Variants in ANGPT1 observed in about 807,000 individuals in gnomAD.
The protein encoded by ANGPT1 is angiopoietin-1.
ANGPT1 carries 17 observed loss-of-function variants against 62.2 expected under a neutral mutation model. The observed-to-expected ratio is 0.27, with a 90% confidence interval of 0.19 to 0.41. The LOEUF (loss-of-function observed/expected upper bound fraction) is 0.41, where lower values mean the gene tolerates loss of function less well. Among genes scored for constraint, ANGPT1 ranks in the 10% least tolerant of loss-of-function variants. The pLI is 1.00. For synonymous variants in ANGPT1, 199 were observed against 198.9 expected, an observed-to-expected ratio of 1.00 and a Z score of 0.00; for missense variants, 478 against 594.9, an observed-to-expected ratio of 0.80 and a Z score of 2.04.
At chr8:107,309,930 G>A (rs1456614749) in intron 4 of ANGPT1, among the ~76,000 whole-genome samples, 1 of 152,030 alleles carries the variant, frequency 6.6e-6, no homozygotes, top group Non-Finnish European at 1.5e-5. Context: ...AACTAAAAGT[G>A]TACTTTTTTA....
chr8:107,282,564 A>G (rs1220720324), intron 7 of ANGPT1, among the ~76,000 whole-genome samples: 2 of 107,350 alleles, frequency 1.9e-5, no homozygotes, highest in Non-Finnish European at 1.8e-5. Flanking sequence ...ATATATATAT[A>G]TATATATATA....
At chr8:107,264,442 T>G in intron 7 of ANGPT1, 91 bp from the exon 8 acceptor site, 1 of 1,465,026 alleles carries the variant, frequency 6.8e-7, no homozygotes, top group Non-Finnish European at 9.1e-7. Flanking sequence ...GCCTTTTTCA[T>G]CATTTTCTTC....
Position 107,251,110 on chromosome 8 carries a change from C to G in ANGPT1, c.*745G>C, listed in dbSNP as rs188000066. The G allele has an allele frequency of 6.6e-6, 1 of 152,106 alleles. No homozygotes were observed. Among genetic ancestry groups the G allele is most frequent in the Non-Finnish European group, 1.5e-5 (1 of 67,998 alleles). 9.4% of individuals were successfully genotyped at this position (152,106 alleles called of 1,614,324 possible). On this transcript the variant is annotated 3_prime_UTR_variant, in exon 9 of 9. Coordinates refer to ENST00000517746, the MANE Select transcript of ANGPT1 (RefSeq NM_001146.5). ...ATAGTATGGGGGTGGTAAGTTTTCA[C>G]CACATACATCCTTACTTGATTATGT...
intron 1 of ANGPT1, among the ~76,000 whole-genome samples, chr8:107,387,361 T>A (rs1563599341): frequency 6.6e-6 from 1 of 152,124 alleles, no homozygotes; most frequent in Non-Finnish European, 1.5e-5. Flanking sequence ...CTTCCTCTTT[T>A]GTGCCTATTG....
chr8:107,345,417 CA>C (rs1160833517), intron 2 of ANGPT1, among the ~76,000 whole-genome samples: 7 of 152,072 alleles, frequency 4.6e-5, no homozygotes, highest in African/African-American at 1.4e-4. Context: ...AACAATGGGA[CA>C]TTTTTTTTTC....
At chr8:107,412,059 G>C (rs1268329180) in intron 1 of ANGPT1, among the ~76,000 whole-genome samples, 2 of 152,038 alleles carry the variant, frequency 1.3e-5, no homozygotes, top group Non-Finnish European at 2.9e-5. Context: ...CATCATCTTG[G>C]CCTTGACTCA....
chr8:107,462,696 G>A (rs888030081), intron 1 of ANGPT1, among the ~76,000 whole-genome samples: 25 of 152,074 alleles, frequency 1.6e-4, no homozygotes, highest in Middle Eastern at 3.4e-3. Context: ...AATTATACAT[G>A]TATACAACCC....
chr8:107,252,330 G>A (rs929680360), intron 8 of ANGPT1, among the ~76,000 whole-genome samples: 1 of 152,146 alleles, frequency 6.6e-6, no homozygotes, highest in Middle Eastern at 3.2e-3. Context: ...CTACATAAGA[G>A]ATGGATTTAC....
chr8:107,321,792 T>A (rs1815155296), intron 4 of ANGPT1, 104 bp downstream of exon 4: 1 of 920,522 alleles, frequency 1.1e-6, no homozygotes, highest in African/African-American at 1.7e-5. Context: ...TCTTCTGCTA[T>A]TTTTTACACA....
intron 5 of ANGPT1, among the ~76,000 whole-genome samples, chr8:107,299,265 T>C (rs980802615): frequency 1.3e-5 from 2 of 150,878 alleles, no homozygotes; most frequent in African/African-American, 4.9e-5. Flanking sequence ...TAGAATTAGA[T>C]TCCTTTGTTT....
chr8:107,287,517 G>A (rs889756573), intron 6 of ANGPT1, among the ~76,000 whole-genome samples: 24 of 152,250 alleles, frequency 1.6e-4, no homozygotes, highest in African/African-American at 4.8e-4. Flanking sequence ...TGAGTACAAT[G>A]AATCAAAATG....
intron 1 of ANGPT1, among the ~76,000 whole-genome samples, chr8:107,440,290 A>T (rs539055200): frequency 2.3e-4 from 35 of 152,220 alleles, no homozygotes; most frequent in African/African-American, 8.2e-4. Flanking sequence ...ACATTTTTTT[A>T]AAGTTTCTAC....
At chr8:107,432,156 C>A (rs913919965) in intron 1 of ANGPT1, among the ~76,000 whole-genome samples, 8 of 150,150 alleles carry the variant, frequency 5.3e-5, no homozygotes, top group Non-Finnish European at 8.9e-5. Context: ...AAAAAAAAAA[C>A]TGAACCGTAA....
intron 8 of ANGPT1, among the ~76,000 whole-genome samples, chr8:107,254,039 T>C (rs1002903525): frequency 6.6e-6 from 1 of 152,072 alleles, no homozygotes; most frequent in African/African-American, 2.4e-5. Context: ...CTAAAAACAA[T>C]GGAAAGCCAT....
At chr8:107,407,446 C>A (rs189781819) in intron 1 of ANGPT1, among the ~76,000 whole-genome samples, 1 of 152,264 alleles carries the variant, frequency 6.6e-6, no homozygotes, top group Non-Finnish European at 1.5e-5. Context: ...GACATGGCTT[C>A]ATGCACAATT....
At chr8:107,416,870 C>A (rs1206256532) in intron 1 of ANGPT1, among the ~76,000 whole-genome samples, 1 of 151,128 alleles carries the variant, frequency 6.6e-6, no homozygotes, top group Non-Finnish European at 1.5e-5. Context: ...TGGCTCACTG[C>A]CACCTCTGCC....
At chr8:107,332,353 T>G (rs1034337451) in intron 3 of ANGPT1, among the ~76,000 whole-genome samples, 3 of 152,288 alleles carry the variant, frequency 2.0e-5, no homozygotes, top group Non-Finnish European at 4.4e-5. Context: ...GTTTTAAGTT[T>G]CGGGTAGCAT....
chr8:107,358,517 A>T (rs1449636791), intron 1 of ANGPT1, among the ~76,000 whole-genome samples: 1 of 152,194 alleles, frequency 6.6e-6, no homozygotes, highest in Admixed American at 6.5e-5. Context: ...CATTACAATG[A>T]ACTGGCTTCT....
At chr8:107,375,215 A>C (rs1239042139) in intron 1 of ANGPT1, among the ~76,000 whole-genome samples, 1 of 152,170 alleles carries the variant, frequency 6.6e-6, no homozygotes, top group Admixed American at 6.5e-5. Context: ...CTAATTATTT[A>C]TGATAAAATT....
Sources: allele counts gnomAD v4.1 joint callset (sites outside exome capture counted in the v4.1 genomes callset), GRCh38; gene constraint gnomAD v4.1.1; transcripts MANE v1.5; gene names NCBI Gene and HGNC (gene_info 2026-07-23, HGNC 2026-07-21).